The following TUB variants were observed in gnomAD, a reference collection of about 807,000 sequenced individuals.
The protein encoded by TUB is TUB bipartite transcription factor.
In TUB, 33 loss-of-function variants were observed where a neutral mutation model predicts 59.7. The observed-to-expected ratio is 0.55, with a 90% CI of 0.42 to 0.74. TUB has a LOEUF of 0.74. Among genes scored for constraint, TUB ranks in the 30% least tolerant of loss-of-function variants. The pLI is 0.00. For synonymous variants in TUB, 293 were observed against 256.4 expected (o/e 1.14, Z -1.36); for missense variants, 659 against 672.0 (o/e 0.98, Z 0.21).
rs781577873 is a variant in TUB, at chr11:8,098,892, G to C, written c.1116+17G>C. The stretch of plus-strand genomic sequence containing the variant: ...GTGTGCTACGTGAGTCCTAGGTTCG[G>C]GGGTCTCTGATTTCCAAGGTAGATA... On this transcript the variant is annotated intron_variant, in intron 9 of 11. Coordinates refer to ENST00000299506, the MANE Select transcript of TUB (RefSeq NM_177972.3). The C allele has an allele frequency of 2.5e-6, 4 of 1,572,500 alleles. No individual in the cohort carries two copies. The South Asian group carries it at 4.4e-5, about 17-fold the overall frequency.
intron 1 of TUB, among the ~76,000 whole-genome samples, chr11:8,086,848 T>C (rs934500356): frequency 2.0e-5 from 3 of 152,222 alleles, no homozygotes; most frequent in African/African-American, 7.2e-5. Flanking sequence ...CTGAGGTTTC[T>C]GGAGCCTCTT....
At chr11:8,024,096 C>T (rs1942468706) in intron 1 of TUB, among the ~76,000 whole-genome samples, 2 of 152,352 alleles carry the variant, frequency 1.3e-5, no homozygotes, top group Admixed American at 6.5e-5. Context: ...TGCCATAACA[C>T]GAAGGTGTCT....
chr11:8,098,821 A>C lies in TUB; in HGVS notation c.1062A>C (p.Ser354=), dbSNP rs770123539. The C allele has an allele frequency of 7.4e-6, 12 of 1,614,210 alleles. No homozygotes were observed. The highest frequency in any genetic ancestry group is 9.3e-6 in the Non-Finnish European group (11 of 1,180,040). ...YDNGVNPQKA[S]SSTLESGTLR... is the part of the protein sequence containing the mutation. ...ATGGAGTCAACCCTCAGAAGGCCTCATCCTCCACTTTGGAAAGTGGAACCT... is the reference window on the plus strand; with the variant it reads ...ATGGAGTCAACCCTCAGAAGGCCTCCTCCTCCACTTTGGAAAGTGGAACCT... The change falls in exon 9 of 12, where the codon TCA becomes TCC. Residue 354 remains serine (S), a synonymous_variant. Transcript: ENST00000299506.
chr11:8,074,384 G>A (rs1271913611), intron 2 of TUB, among the ~76,000 whole-genome samples: 1 of 152,042 alleles, frequency 6.6e-6, no homozygotes, highest in African/African-American at 2.4e-5. Flanking sequence ...TTTTTATAGA[G>A]CATTATACTC....
chr11:8,043,408 C>T (rs903119221), intron 2 of TUB, among the ~76,000 whole-genome samples: 2 of 152,032 alleles, frequency 1.3e-5, no homozygotes, highest in Admixed American at 6.5e-5. Context: ...ATTCTGTATC[C>T]CTTAATTTTT....
Position 8,100,974 on chromosome 11 carries a change from T to C in TUB, c.1364T>C (p.Phe455Ser). The change falls in exon 11 of 12, where the codon TTC becomes TCC. Residue 455 changes from phenylalanine (F) to serine (S), a missense_variant. Coordinates refer to ENST00000299506, the MANE Select transcript of TUB (RefSeq NM_177972.3). ...GRVTQASVKN[F>S]QIIHGNDPDY... is the part of the protein sequence containing the mutation. Reference sequence around the variant, plus strand: ...GTCACACAGGCCTCCGTGAAGAACTTCCAGATCATCCATGGCAATGACCGT... The same window carrying C: ...GTCACACAGGCCTCCGTGAAGAACTCCCAGATCATCCATGGCAATGACCGT... The C allele has an allele frequency of 6.2e-7, 1 of 1,614,148 alleles. No individual in the cohort carries two copies. Among genetic ancestry groups the C allele is most frequent in the Non-Finnish European group, 8.5e-7 (1 of 1,180,022 alleles).
chr11:8,022,206 A>T (rs1389660332), intron 1 of TUB, among the ~76,000 whole-genome samples: 5 of 152,178 alleles, frequency 3.3e-5, no homozygotes, highest in Non-Finnish European at 7.3e-5. Flanking sequence ...CTATGTTCTC[A>T]TCAGTACTTG....
In TUB at chr11:8,099,379, C is replaced by A. The variant is rs141760945; in HGVS notation, c.1116+504C>A. Among the ~76,000 whole-genome samples the A allele has an allele frequency of 1.7e-4, 26 of 152,244 alleles. No individual in the cohort carries two copies. The East Asian group carries it at 5.0e-3, about 29-fold the overall frequency. ...TAGGGGATTACTCTACCCCTTTGAA[C>A]CTTTTTCTTCATTTTTAAAATCAGG... On this transcript the variant is annotated intron_variant, in intron 9 of 11. Transcript: ENST00000299506.
chr11:8,100,151 A>G (rs529538264), intron 9 of TUB, among the ~76,000 whole-genome samples: 2 of 152,322 alleles, frequency 1.3e-5, no homozygotes, highest in Admixed American at 6.5e-5. Flanking sequence ...CTAGTGGTGA[A>G]AAGTGGTGGA....
intron 2 of TUB, among the ~76,000 whole-genome samples, chr11:8,053,594 G>A (rs892163599): frequency 1.3e-5 from 2 of 151,386 alleles, no homozygotes; most frequent in African/African-American, 4.8e-5. Flanking sequence ...TCCGCCTCCT[G>A]AGTTCACGCC....
chr11:8,095,797 T>C, intron 5 of TUB, 132 bp downstream of exon 5: 1 of 1,010,406 alleles, frequency 9.9e-7, no homozygotes, highest in Non-Finnish European at 1.4e-6. Context: ...TGGGGCACAC[T>C]TCGGAGACAA....
intron 2 of TUB, among the ~76,000 whole-genome samples, chr11:8,053,184 T>A (rs76365182): frequency 2.4e-3 from 361 of 152,342 alleles, no homozygotes; most frequent in African/African-American, 7.8e-3. Context: ...TGTATTAGAT[T>A]AATAGGGTTA....
At chr11:8,083,190 G>A (rs1028722833) in intron 1 of TUB, among the ~76,000 whole-genome samples, 5 of 152,212 alleles carry the variant, frequency 3.3e-5, no homozygotes, top group Non-Finnish European at 5.9e-5. Flanking sequence ...AGAGGTGCCT[G>A]GGCGGTGCTT....
chr11:8,076,061 G>A (rs1440767670), intron 2 of TUB: 1 of 152,118 alleles, frequency 6.6e-6, no homozygotes. Flanking sequence ...CTCAGGCTCT[G>A]GGAAACCTGG....
At chr11:8,072,186 A>G (rs1337401790) in intron 2 of TUB, among the ~76,000 whole-genome samples, 1 of 152,052 alleles carries the variant, frequency 6.6e-6, no homozygotes, top group African/African-American at 2.4e-5. Flanking sequence ...AGAGGCGGGT[A>G]CTGCCCCACA....
chr11:8,029,308 T>C (rs1942538447), intron 1 of TUB, among the ~76,000 whole-genome samples: 1 of 152,212 alleles, frequency 6.6e-6, no homozygotes, highest in African/African-American at 2.4e-5. Context: ...GACTTTACCT[T>C]TCGAGGAGAA....
chr11:8,040,462 T>G (rs1462594315), intron 2 of TUB, among the ~76,000 whole-genome samples: 1 of 152,106 alleles, frequency 6.6e-6, no homozygotes, highest in East Asian at 1.9e-4. Flanking sequence ...CTGCTTTGCC[T>G]CCTCATGGAT....
chr11:8,030,832 C>T (rs572347728), intron 1 of TUB, among the ~76,000 whole-genome samples: 2 of 152,284 alleles, frequency 1.3e-5, no homozygotes, highest in African/African-American at 2.4e-5. Context: ...TCACGTTCCT[C>T]TACAAAGATT....
chr11:8,038,709 G>A, exon 1 of TUB: 1 of 1,475,444 alleles, frequency 6.8e-7, no homozygotes, highest in Non-Finnish European at 9.0e-7. Context: ...CTAATTAATG[G>A]GTGATGGTGG....
Sources: allele counts gnomAD v4.1 joint callset (sites outside exome capture counted in the v4.1 genomes callset), GRCh38; gene constraint gnomAD v4.1.1; transcripts MANE v1.5; gene names NCBI Gene and HGNC (gene_info 2026-07-23, HGNC 2026-07-21).